Variants in ATP8A1 observed in about 807,000 individuals in gnomAD.
ATP8A1 encodes the protein ATPase phospholipid transporting 8A1, also known as phospholipid-transporting ATPase IA.
Under a neutral mutation model 177.7 loss-of-function variants are expected in ATP8A1, and 90 were observed. The observed-to-expected ratio is 0.51, with a 90% CI of 0.43 to 0.60. The LOEUF is 0.60. ATP8A1 is among the 20% of genes least tolerant of loss of function. The pLI, the probability that ATP8A1 is intolerant of heterozygous loss-of-function variation, is 0.00. For missense variants in ATP8A1, 1,072 were observed against 1,392.8 expected, an observed-to-expected ratio of 0.77 and a Z score of 3.67; for synonymous variants, 493 against 485.9, an observed-to-expected ratio of 1.01 and a Z score of -0.19.
intron 21 of ATP8A1, among the ~76,000 whole-genome samples, chr4:42,522,726 TCCATTCTGCTTTTC>T (rs1183381327): frequency 6.6e-6 from 1 of 152,172 alleles, no homozygotes; most frequent in Non-Finnish European, 1.5e-5. Context: ...TAACTTTTTC[TCCATTCTGCTTTTC>T]CCAACGACTG....
At chr4:42,447,452 G>T (rs967267556) in intron 30 of ATP8A1, among the ~76,000 whole-genome samples, 2 of 152,074 alleles carry the variant, frequency 1.3e-5, no homozygotes, top group Non-Finnish European at 2.9e-5. Flanking sequence ...CAAAGCGCTG[G>T]GATTACAAGA....
At chr4:42,437,153 G>T (rs1245404449) in intron 33 of ATP8A1, among the ~76,000 whole-genome samples, 4 of 152,168 alleles carry the variant, frequency 2.6e-5, no homozygotes, top group Admixed American at 2.6e-4. Context: ...GTGCCTGTCT[G>T]CAATGCCACA....
chr4:42,615,917 C>G, intron 5 of ATP8A1, 116 bp downstream of exon 5: 1 of 976,948 alleles, frequency 1.0e-6, no homozygotes, highest in Non-Finnish European at 1.5e-6. Flanking sequence ...CAATCTACCC[C>G]AAAACAAAAA....
rs145844829 is a variant in ATP8A1 at position 42,596,840 on chromosome 4, C to T, written c.450+3638G>A. On this transcript the variant is annotated intron_variant, in intron 6 of 36. Transcript: ENST00000381668. Reference sequence around the variant, plus strand: ...ATTCTTTGGCTAAATTCTCCACCTGCATACATCTCAAAAACCTGTGAACAG... The same window carrying T: ...ATTCTTTGGCTAAATTCTCCACCTGTATACATCTCAAAAACCTGTGAACAG... Among the ~76,000 whole-genome samples, 481 of 152,236 alleles carry T rather than the reference C, an allele frequency of 3.2e-3. 2 individuals are homozygous for T. The highest frequency in any genetic ancestry group is 0.011 in the African/African-American group (453 of 41,518).
intron 1 of ATP8A1, among the ~76,000 whole-genome samples, chr4:42,646,698 T>C (rs944714262): frequency 1.3e-5 from 2 of 152,214 alleles, no homozygotes; most frequent in Admixed American, 1.3e-4. Flanking sequence ...TTGGCCTTCT[T>C]AGTGACATTC....
intron 9 of ATP8A1, among the ~76,000 whole-genome samples, chr4:42,582,028 T>G (rs545280897): frequency 1.3e-5 from 2 of 152,254 alleles, no homozygotes; most frequent in East Asian, 1.9e-4. Context: ...TAATGGCATT[T>G]GGAAATGACC....
intron 30 of ATP8A1, among the ~76,000 whole-genome samples, chr4:42,447,375 G>A (rs1045521796): frequency 6.6e-6 from 1 of 152,014 alleles, no homozygotes; most frequent in Non-Finnish European, 1.5e-5. Context: ...TAGAGACGGG[G>A]TTTCACCATG....
intron 24 of ATP8A1, among the ~76,000 whole-genome samples, 181 bp downstream of exon 24, chr4:42,503,269 A>G (rs1724030412): frequency 6.6e-6 from 1 of 152,240 alleles, no homozygotes. Context: ...ACAGATGTAA[A>G]GCTTGAATCA....
intron 25 of ATP8A1, among the ~76,000 whole-genome samples, chr4:42,475,950 AAT>A (rs1368582152): frequency 1.3e-5 from 2 of 152,066 alleles, no homozygotes; most frequent in Non-Finnish European, 2.9e-5. Context: ...GAGGCAGGAG[AAT>A]CACTTGAACC....
At chr4:42,461,173 G>C (rs559933256) in intron 27 of ATP8A1, among the ~76,000 whole-genome samples, 5 of 151,330 alleles carry the variant, frequency 3.3e-5, no homozygotes, top group African/African-American at 1.2e-4. Context: ...ATTTTTGACA[G>C]TGATTACAGG....
In ATP8A1 at chr4:42,442,558, C is replaced by T. The variant is rs555839159; in HGVS notation, c.3123+1007G>A. Among the ~76,000 whole-genome samples the T allele has an allele frequency of 3.3e-5, 5 of 152,298 alleles. No homozygotes were observed. The South Asian group carries it at 1.0e-3, about 32-fold the overall frequency. On this transcript the variant is annotated intron_variant, in intron 33 of 36. Transcript: ENST00000381668. ...TTTTTGTAGAAGGAAGTATATACTC[C>T]TTGATATGTCTGGTTTTGCTGTAAT...
At position 42,413,033 on chromosome 4, in the gene ATP8A1, CAG is replaced by C. The variant is rs764533427; in HGVS notation, c.3398-22_3398-21del. Reference sequence around the variant, plus strand: ...ACCCATCTGTAGGTTAATGATAAAACAGAAATTCTCACAAAGGCACTGGAAAC... The same window carrying C: ...ACCCATCTGTAGGTTAATGATAAAACAAATTCTCACAAAGGCACTGGAAAC... On this transcript the variant is annotated intron_variant, in intron 36 of 36. Transcript: ENST00000381668. 1.3e-5 allele frequency: 21 copies of C among 1,603,002 alleles called. No homozygotes were observed. Among genetic ancestry groups the C allele is most frequent in the Non-Finnish European group, 1.6e-5 (19 of 1,171,146 alleles).
At chr4:42,545,050 C>G (rs1249410847) in intron 19 of ATP8A1, among the ~76,000 whole-genome samples, 1 of 151,440 alleles carries the variant, frequency 6.6e-6, no homozygotes, top group Non-Finnish European at 1.5e-5. Flanking sequence ...ATCCCAGCTA[C>G]TCAGGAGGCT....
intron 22 of ATP8A1, 32 bp downstream of exon 22, chr4:42,522,128 C>T: frequency 6.3e-7 from 1 of 1,578,404 alleles, no homozygotes; most frequent in South Asian, 1.2e-5. Flanking sequence ...GAAACCAAAC[C>T]CTCTGTATGA....
chr4:42,594,111 T>C (rs1026710360), intron 6 of ATP8A1, among the ~76,000 whole-genome samples: 9 of 152,148 alleles, frequency 5.9e-5, no homozygotes, highest in African/African-American at 1.7e-4. Flanking sequence ...ACTTATTCTA[T>C]ATGGCAAACA....
intron 6 of ATP8A1, among the ~76,000 whole-genome samples, chr4:42,595,403 T>A (rs1413766029): frequency 3.9e-5 from 6 of 152,166 alleles, no homozygotes; most frequent in Non-Finnish European, 7.4e-5. Flanking sequence ...ATTGTCTTTT[T>A]ATTTATGACA....
intron 30 of ATP8A1, among the ~76,000 whole-genome samples, chr4:42,447,465 G>A (rs567666244): frequency 1.2e-4 from 18 of 152,170 alleles, no homozygotes; most frequent in Non-Finnish European, 2.1e-4. Context: ...TTACAAGAGT[G>A]AGCCACTGCA....
Position 42,647,551 on chromosome 4 carries a change from A to G in ATP8A1, c.49+9274T>C, listed in dbSNP as rs559067826. Among the ~76,000 whole-genome samples the G allele has an allele frequency of 8.6e-5, 13 of 151,070 alleles. No homozygotes were observed. In the South Asian group the frequency reaches 2.5e-3, roughly 29 times the overall value. On this transcript the variant is annotated intron_variant, in intron 1 of 36. Transcript: ENST00000381668. The stretch of plus-strand genomic sequence containing the variant: ...ATTTATATTTATAATACATATTAGT[A>G]TTTATATATTAAATACACTATTACT...
Position 42,408,828 on chromosome 4 carries a change from A to C in ATP8A1, c.*4088T>G, listed in dbSNP as rs1434972189. The C allele has an allele frequency of 6.6e-6, 1 of 152,214 alleles. No homozygotes were observed. The highest frequency in any genetic ancestry group is 1.5e-5 in the Non-Finnish European group (1 of 68,020). 9.4% of individuals were successfully genotyped at this position (152,214 alleles called of 1,614,324 possible). A position where few individuals can be genotyped will look rare whatever the true frequency, so the allele number is the denominator to read the frequency against. On this transcript the variant is annotated 3_prime_UTR_variant, in exon 37 of 37. Transcript: ENST00000381668. ...TGGCTTCCATTTAGAACCATGAAAC[A>C]TAAAAATATTATTTTTAACTATTCT...
Sources: allele counts gnomAD v4.1 joint callset (sites outside exome capture counted in the v4.1 genomes callset), GRCh38; gene constraint gnomAD v4.1.1; transcripts MANE v1.5; gene names NCBI Gene and HGNC (gene_info 2026-07-23, HGNC 2026-07-21).